Variants in TMCC2 observed in about 807,000 individuals in gnomAD.
TMCC2 encodes the protein transmembrane and coiled-coil domains protein 2.
TMCC2 carries 16 observed loss-of-function variants against 49.4 expected under a neutral mutation model. The ratio of observed to expected loss-of-function variants is 0.32; its 90% confidence interval spans 0.22 to 0.49. The LOEUF (loss-of-function observed/expected upper bound fraction) is 0.49, where lower values mean the gene tolerates loss of function less well. Ranked by LOEUF, TMCC2 falls within the 20% of genes least tolerant of loss-of-function variation. The pLI is 0.99. For missense variants in TMCC2, 762 were observed against 989.8 expected (o/e 0.77, Z 3.09); for synonymous variants, 397 against 434.1 (o/e 0.91, Z 1.06).
At chr1:205,231,257 C>G (rs964083721) in intron 1 of TMCC2, among the ~76,000 whole-genome samples, 1 of 151,952 alleles carries the variant, frequency 6.6e-6, no homozygotes, top group African/African-American at 2.4e-5. Context: ...GAGCCTTTTT[C>G]TGGTGAAAGG....
At chr1:205,239,673 G>C (rs117904339) in intron 1 of TMCC2, among the ~76,000 whole-genome samples, 1 of 152,204 alleles carries the variant, frequency 6.6e-6, no homozygotes, top group African/African-American at 2.4e-5. Context: ...CCGTTAGTTC[G>C]TGATGAGTTG....
intron 1 of TMCC2, chr1:205,229,613 G>GT: frequency 1.0e-6 from 1 of 983,462 alleles, no homozygotes; most frequent in Non-Finnish European, 1.2e-6. Flanking sequence ...TGGAGCCAGA[G>GT]GTTAAGATAG....
At chr1:205,229,738 G>A (rs1166548349) in intron 1 of TMCC2, 1 of 985,466 alleles carries the variant, frequency 1.0e-6, no homozygotes, top group South Asian at 4.7e-5. Flanking sequence ...TACATGCTGA[G>A]CCAGCAGCTA....
At chr1:205,267,251 G>A (rs1163055996) in intron 2 of TMCC2, among the ~76,000 whole-genome samples, 1 of 152,176 alleles carries the variant, frequency 6.6e-6, no homozygotes, top group Non-Finnish European at 1.5e-5. Context: ...CCCTCCCCTG[G>A]CTCCTGAGTT....
chr1:205,242,023 G>A lies in TMCC2; in HGVS notation c.726G>A (p.Glu242=). 1.3e-6 allele frequency: 2 copies of A among 1,596,070 alleles called. No homozygotes were observed. The highest frequency in any genetic ancestry group is 1.7e-6 in the Non-Finnish European group (2 of 1,171,146). Residue 242 remains glutamate (E), a synonymous_variant, in exon 2 of 5, where the codon GAG becomes GAA. Transcript: ENST00000358024. ...GCAACGTGTACCTCCTGGCTGAGGA[G>A]GCCGAAGGCATCGGGGACAAGGTGA... is the stretch of plus-strand genomic sequence containing the variant. The part of the protein sequence containing the change: ...DGSNVYLLAE[E]AEGIGDKVDK...
At chr1:205,253,379 C>T (rs1660742899) in intron 2 of TMCC2, among the ~76,000 whole-genome samples, 1 of 152,170 alleles carries the variant, frequency 6.6e-6, no homozygotes, top group Non-Finnish European at 1.5e-5. Flanking sequence ...AGCCTGTGCC[C>T]AGGACCTGGG....
rs545408927 is a variant in TMCC2, at chr1:205,240,308, T to C, written c.208-1197T>C. Among the ~76,000 whole-genome samples the C allele has an allele frequency of 7.2e-5, 11 of 152,388 alleles. No individual in the cohort carries two copies. The South Asian group carries it at 2.3e-3, about 32-fold the overall frequency. On this transcript the variant is annotated intron_variant, in intron 1 of 4. Transcript: ENST00000358024. ...TCCAGCTGCCCCTCTGTGAGCAGTC[T>C]TGCCGGAAGAGCAGCTGGAGAATCT...
At chr1:205,267,937 G>A in intron 2 of TMCC2, 1 of 985,154 alleles carries the variant, frequency 1.0e-6, no homozygotes. Flanking sequence ...AGTCCTCGGG[G>A]ACCTGGCCAG....
rs893234272 is a variant in TMCC2, at chr1:205,227,997, C to T, written c.-568C>T. Reference sequence around the variant, plus strand: ...GGTCGCGGCTTTGCGGCAGGCTGCGCGTCAGGCGGGGAGCGGGGCGCGCGG... The same window carrying T: ...GGTCGCGGCTTTGCGGCAGGCTGCGTGTCAGGCGGGGAGCGGGGCGCGCGG... On this transcript the variant is annotated 5_prime_UTR_variant, in exon 1 of 5. Transcript: ENST00000358024. Among the ~76,000 whole-genome samples, 1 of 148,948 alleles carries T rather than the reference C, an allele frequency of 6.7e-6. No individual in the cohort carries two copies. Among genetic ancestry groups the T allele is most frequent in the African/African-American group, 2.4e-5 (1 of 41,180 alleles).
At chr1:205,257,291 G>A in intron 2 of TMCC2, 1 of 1,232,286 alleles carries the variant, frequency 8.1e-7, no homozygotes, top group Non-Finnish European at 1.0e-6. Context: ...GCCTGACACA[G>A]TCCGCAGACA....
intron 2 of TMCC2, chr1:205,246,422 C>G: frequency 8.1e-7 from 1 of 1,235,250 alleles, no homozygotes; most frequent in South Asian, 1.8e-5. Flanking sequence ...GTCTGGAGTT[C>G]TGGGGAGAGA....
chr1:205,245,487 AGG>A (rs1419821582), intron 2 of TMCC2, among the ~76,000 whole-genome samples: 1 of 152,320 alleles, frequency 6.6e-6, no homozygotes, highest in Admixed American at 6.5e-5. Context: ...CAGAGTTCCA[AGG>A]GAAACTCAGA....
At chr1:205,240,178 A>G (rs991175104) in intron 1 of TMCC2, among the ~76,000 whole-genome samples, 1 of 152,162 alleles carries the variant, frequency 6.6e-6, no homozygotes, top group African/African-American at 2.4e-5. Context: ...CCTCCTTCCA[A>G]CAGCTCCAAA....
chr1:205,265,398 C>T (rs1469103600), intron 2 of TMCC2, among the ~76,000 whole-genome samples: 1 of 152,184 alleles, frequency 6.6e-6, no homozygotes, highest in Non-Finnish European at 1.5e-5. Flanking sequence ...TGCTATTTTA[C>T]ACTCCTGTAT....
At chr1:205,253,055 C>T (rs1415419511) in intron 2 of TMCC2, among the ~76,000 whole-genome samples, 1 of 151,832 alleles carries the variant, frequency 6.6e-6, no homozygotes, top group Non-Finnish European at 1.5e-5. Context: ...ATCATTTGAG[C>T]CCCCCAGAGT....
chr1:205,264,268 A>T lies in TMCC2; in HGVS notation c.748-4682A>T, dbSNP rs74411513. Among the ~76,000 whole-genome samples, 1 of 152,222 alleles carries T rather than the reference A, an allele frequency of 6.6e-6. No individual in the cohort carries two copies. The highest frequency in any genetic ancestry group is 2.4e-5 in the African/African-American group (1 of 41,456). On this transcript the variant is annotated intron_variant, in intron 2 of 4. Transcript: ENST00000358024. This position sits in a 1 kb window ranked among gnomAD's most constrained non-coding sequence, Gnocchi z 4.2. ...TAGATTACGTACAATACCTAGTACAATGTAAATACTATGAAAATAGAAAAT... is the reference window on the plus strand; with the variant it reads ...TAGATTACGTACAATACCTAGTACATTGTAAATACTATGAAAATAGAAAAT...
In TMCC2 at chr1:205,252,883, G is replaced by A. The variant is rs1212664291; in HGVS notation, c.747+10839G>A. On this transcript the variant is annotated intron_variant, in intron 2 of 4. Coordinates refer to ENST00000358024, the MANE Select transcript of TMCC2 (RefSeq NM_014858.4). ...TGCCTGTAATCTCAGTGATTTGGGA[G>A]GCCAAGGCAGGAGGATCACTGGAGG... is the stretch of plus-strand genomic sequence containing the variant. Among the ~76,000 whole-genome samples the A allele has an allele frequency of 9.2e-5, 14 of 151,708 alleles. No individual in the cohort carries two copies. In the South Asian group the frequency reaches 2.9e-3, roughly 32 times the overall value.
chr1:205,229,063 G>A, intron 1 of TMCC2: 1 of 1,248,768 alleles, frequency 8.0e-7, no homozygotes, highest in Non-Finnish European at 1.0e-6. Flanking sequence ...GCAGACAAAG[G>A]GCTGGAGAAA....
chr1:205,259,305 C>CAG (rs2307521), intron 2 of TMCC2, among the ~76,000 whole-genome samples: 93,329 of 151,662 alleles, frequency 0.62, 28,723 homozygotes, highest in African/African-American at 0.64. Flanking sequence ...GGGACCCTAA[C>CAG]GGGTTCTTTG....
Sources: allele counts gnomAD v4.1 joint callset (sites outside exome capture counted in the v4.1 genomes callset), GRCh38; gene constraint gnomAD v4.1.1; non-coding constraint Gnocchi (gnomAD v3.1); transcripts MANE v1.5; gene names NCBI Gene and HGNC (gene_info 2026-07-23, HGNC 2026-07-21).